Variants in THSD7B observed in about 807,000 individuals in gnomAD.
THSD7B encodes the protein thrombospondin type-1 domain-containing protein 7B.
Under a neutral mutation model 213.6 loss-of-function variants are expected in THSD7B, and 138 were observed. The observed-to-expected ratio is 0.65, with a 90% CI of 0.56 to 0.74. The LOEUF (loss-of-function observed/expected upper bound fraction) is 0.74. Among genes scored for constraint, THSD7B ranks in the 30% least tolerant of loss-of-function variants. The pLI, the probability that THSD7B is intolerant of heterozygous loss-of-function variation, is 0.00. For synonymous variants in THSD7B, 742 were observed against 687.0 expected (o/e 1.08, Z -1.25); for missense variants, 1,931 against 1,991.5 (o/e 0.97, Z 0.58).
At chr2:137,123,079 C>T (rs1035196556) in intron 5 of THSD7B, among the ~76,000 whole-genome samples, 24 of 152,088 alleles carry the variant, frequency 1.6e-4, no homozygotes, top group African/African-American at 5.1e-4. Flanking sequence ...ACCTTCTCAC[C>T]CTCCTTTTAC....
intron 12 of THSD7B, among the ~76,000 whole-genome samples, chr2:137,282,448 C>A (rs1271569689): frequency 1.3e-5 from 2 of 152,158 alleles, no homozygotes; most frequent in South Asian, 2.1e-4. Context: ...GTTGCCATTG[C>A]TTTTGGTGTT....
At chr2:137,184,994 G>C (rs370230251) in intron 7 of THSD7B, among the ~76,000 whole-genome samples, 2 of 152,018 alleles carry the variant, frequency 1.3e-5, no homozygotes, top group South Asian at 2.1e-4. Flanking sequence ...TTTTTGTTTT[G>C]TTTTGTCATT....
At chr2:137,302,632 G>A (rs193181685) in intron 12 of THSD7B, among the ~76,000 whole-genome samples, 19 of 152,182 alleles carry the variant, frequency 1.2e-4, no homozygotes, top group East Asian at 7.7e-4. Flanking sequence ...AGCTGGTGGA[G>A]GGGAAGTGCA....
intron 7 of THSD7B, among the ~76,000 whole-genome samples, chr2:137,178,458 G>C (rs116459580): frequency 1.3e-5 from 2 of 152,180 alleles, no homozygotes; most frequent in African/African-American, 4.8e-5. Flanking sequence ...GCAGTTGGAA[G>C]TGTCAATAAG....
At chr2:137,261,059 C>T (rs1327948017) in intron 10 of THSD7B, among the ~76,000 whole-genome samples, 1 of 152,038 alleles carries the variant, frequency 6.6e-6, no homozygotes, top group African/African-American at 2.4e-5. Context: ...GCAATCCTGC[C>T]ACCTCAGTCT....
chr2:137,510,051 T>C (rs143031483), intron 15 of THSD7B, among the ~76,000 whole-genome samples: 1 of 152,298 alleles, frequency 6.6e-6, no homozygotes, highest in East Asian at 1.9e-4. Flanking sequence ...ATTAAATAAT[T>C]GGAGATTATT....
chr2:137,238,542 T>TC lies in THSD7B; in HGVS notation c.2151-3915_2151-3914insC, dbSNP rs1248333014. Among the ~76,000 whole-genome samples the TC allele has an allele frequency of 9.4e-5, 10 of 106,026 alleles. No homozygotes were observed. The South Asian group carries it at 3.5e-3, about 37-fold the overall frequency. 69.6% of individuals were successfully genotyped at this position (106,026 alleles called of 152,430 possible). On this transcript the variant is annotated intron_variant, in intron 9 of 27. Transcript: ENST00000409968. ...TAATGACACTCATCTTTCTTTTTTTTTTTTTTTTTTTTTTTTTTTTTTGAG... is the reference window on the plus strand; with the variant it reads ...TAATGACACTCATCTTTCTTTTTTTTCTTTTTTTTTTTTTTTTTTTTTTGAG...
At chr2:137,608,552 G>A (rs1191377731) in intron 17 of THSD7B, among the ~76,000 whole-genome samples, 1 of 152,138 alleles carries the variant, frequency 6.6e-6, no homozygotes, top group Non-Finnish European at 1.5e-5. Context: ...GATATTAAAA[G>A]TACACCTAGC....
intron 12 of THSD7B, among the ~76,000 whole-genome samples, chr2:137,356,963 C>G (rs372492204): frequency 1.2e-4 from 8 of 64,010 alleles, no homozygotes; most frequent in South Asian, 6.8e-4. Context: ...CACACACACA[C>G]ACAGACACAC....
chr2:137,384,605 A>G (rs1352935069), intron 12 of THSD7B, among the ~76,000 whole-genome samples: 3 of 152,156 alleles, frequency 2.0e-5, no homozygotes, highest in Non-Finnish European at 4.4e-5. Flanking sequence ...GGTCTGTTCA[A>G]TCTCCTGTTT....
chr2:137,177,119 T>G (rs1680373261), intron 7 of THSD7B, among the ~76,000 whole-genome samples: 3 of 152,236 alleles, frequency 2.0e-5, no homozygotes, highest in Non-Finnish European at 4.4e-5. Context: ...CATTCAATAT[T>G]TTGAACAACC....
At chr2:137,528,551 GCAA>G (rs1416985066) in intron 15 of THSD7B, among the ~76,000 whole-genome samples, 1 of 151,998 alleles carries the variant, frequency 6.6e-6, no homozygotes, top group African/African-American at 2.4e-5. Flanking sequence ...AAACCTAGTA[GCAA>G]CTAACTAAAT....
chr2:136,812,397 GATATTGT>G (rs1434884703), intron 1 of THSD7B, among the ~76,000 whole-genome samples: 1 of 152,134 alleles, frequency 6.6e-6, no homozygotes, highest in African/African-American at 2.4e-5. Flanking sequence ...TTGACAATAA[GATATTGT>G]ATTTGGTTCT....
intron 15 of THSD7B, among the ~76,000 whole-genome samples, chr2:137,483,376 G>T (rs1344005199): frequency 6.6e-6 from 1 of 152,182 alleles, no homozygotes; most frequent in Non-Finnish European, 1.5e-5. Flanking sequence ...AAGGGAGCTT[G>T]TCTCTAGAGT....
intron 2 of THSD7B, among the ~76,000 whole-genome samples, chr2:136,999,866 G>A (rs1254202655): frequency 6.6e-6 from 1 of 152,142 alleles, no homozygotes; most frequent in Non-Finnish European, 1.5e-5. Context: ...TCCATCCTGT[G>A]CTAACGTGTT....
chr2:137,161,716 C>T (rs1487114100), intron 6 of THSD7B, among the ~76,000 whole-genome samples: 1 of 152,126 alleles, frequency 6.6e-6, no homozygotes, highest in Non-Finnish European at 1.5e-5. Flanking sequence ...CAGAATGTCC[C>T]CCACGCCTCC....
chr2:136,776,328 G>A (rs1681603911), intron 1 of THSD7B, among the ~76,000 whole-genome samples: 1 of 152,064 alleles, frequency 6.6e-6, no homozygotes, highest in Non-Finnish European at 1.5e-5. Flanking sequence ...ATTTCATGGT[G>A]TTTTGAAGTC....
chr2:137,449,924 T>C (rs2105064727), intron 14 of THSD7B, among the ~76,000 whole-genome samples: 1 of 152,138 alleles, frequency 6.6e-6, no homozygotes. Flanking sequence ...CATTCACAGT[T>C]CCTTCCCACA....
intron 7 of THSD7B, among the ~76,000 whole-genome samples, chr2:137,189,978 A>C (rs1413301403): frequency 6.6e-6 from 1 of 152,120 alleles, no homozygotes; most frequent in Non-Finnish European, 1.5e-5. Context: ...AAGGTATTTT[A>C]AGTACCATCT....
Sources: allele counts gnomAD v4.1 joint callset (sites outside exome capture counted in the v4.1 genomes callset), GRCh38; gene constraint gnomAD v4.1.1; transcripts MANE v1.5; gene names NCBI Gene and HGNC (gene_info 2026-07-23, HGNC 2026-07-21).